IRAK4: variants seen among roughly 807,000 people sequenced by gnomAD.
The protein encoded by IRAK4 is interleukin 1 receptor associated kinase 4.
Under a neutral mutation model 51.8 loss-of-function variants are expected in IRAK4, and 44 were observed. That is an observed-to-expected ratio of 0.85 (90% CI 0.67 to 1.09). The LOEUF is 1.09. IRAK4 is among the 50% of genes least tolerant of loss of function. The pLI, the probability that IRAK4 is intolerant of heterozygous loss-of-function variation, is 0.00. For missense variants in IRAK4, 487 were observed against 538.0 expected, an observed-to-expected ratio of 0.91 and a Z score of 0.94; for synonymous variants, 149 against 174.1, an observed-to-expected ratio of 0.86 and a Z score of 1.13.
intron 1 of IRAK4, chr12:43,763,427 C>T (rs988145240): frequency 1.3e-5 from 2 of 152,102 alleles, no homozygotes; most frequent in African/African-American, 4.8e-5. Flanking sequence ...AACTTTAAAA[C>T]AATGTTGTTC....
intron 8 of IRAK4, among the ~76,000 whole-genome samples, chr12:43,778,536 A>G (rs550205768): frequency 6.6e-6 from 1 of 152,134 alleles, no homozygotes; most frequent in Non-Finnish European, 1.5e-5. Context: ...ATAGTAGTTT[A>G]TTCTGTTCTT....
chr12:43,777,814 A>G, intron 7 of IRAK4, 70 bp downstream of exon 7: 1 of 1,279,196 alleles, frequency 7.8e-7, no homozygotes, highest in Non-Finnish European at 1.1e-6. Context: ...TCATTTTGTT[A>G]CTGGATTATT....
At chr12:43,777,830 C>A in intron 7 of IRAK4, 86 bp downstream of exon 7, 4 of 1,115,196 alleles carry the variant, frequency 3.6e-6, no homozygotes, top group East Asian at 2.4e-5. Context: ...TTATTTAAAC[C>A]AAATTCACTT....
chr12:43,783,533 C>CTGGTCG (rs1366689533), intron 9 of IRAK4, 129 bp from the exon 10 acceptor site: 2 of 645,410 alleles, frequency 3.1e-6, no homozygotes, highest in Non-Finnish European at 5.5e-6. Flanking sequence ...GTTGCCCAGG[C>CTGGTCG]TGGTCGTGAA....
At chr12:43,763,566 TG>T (rs1164379002) in intron 1 of IRAK4, 6 of 152,324 alleles carry the variant, frequency 3.9e-5, no homozygotes, top group Admixed American at 3.9e-4. Flanking sequence ...TGGTAAATAT[TG>T]GTAGATATAA....
chr12:43,776,631 G>GC (rs1941297434), intron 6 of IRAK4, among the ~76,000 whole-genome samples: 2 of 152,176 alleles, frequency 1.3e-5, no homozygotes, highest in African/African-American at 4.8e-5. Flanking sequence ...ACTGTTTTCT[G>GC]CATTTAGCAG....
At chr12:43,776,330 A>C (rs1465777221) in intron 6 of IRAK4, among the ~76,000 whole-genome samples, 1 of 152,186 alleles carries the variant, frequency 6.6e-6, no homozygotes, top group Admixed American at 6.5e-5. Flanking sequence ...CAGATAAATC[A>C]CTTGCCACAC....
At chr12:43,782,155 A>G (rs1941827632) in intron 8 of IRAK4, 152 bp from the exon 9 acceptor site, 2 of 618,266 alleles carry the variant, frequency 3.2e-6, no homozygotes, top group Admixed American at 5.6e-5. Flanking sequence ...GATGCATACT[A>G]TAAAACGTTA....
At chr12:43,785,743 T>A (rs2138079582) in intron 10 of IRAK4, among the ~76,000 whole-genome samples, 1 of 151,334 alleles carries the variant, frequency 6.6e-6, no homozygotes, top group South Asian at 2.1e-4. Flanking sequence ...CCTCATAGAG[T>A]GTACTTACAC....
In IRAK4 at chr12:43,771,273, T is replaced by C; in HGVS notation, c.215T>C (p.Phe72Ser). 2 of 1,614,016 alleles carry C rather than the reference T, an allele frequency of 1.2e-6. No individual in the cohort carries two copies. The highest frequency in any genetic ancestry group is 1.7e-4 in the Middle Eastern group (1 of 6,058). ...TGKSPTSELL[F>S]DWGTTNCTVG... ...AAAAGTCCCACTTCTGAATTACTGT[T>C]TGACTGGGGCACCACAAATTGCACA... The change falls in exon 3 of 12, where the codon TTT (phenylalanine) becomes TCT (serine). Residue 72 changes from phenylalanine (F) to serine (S), a missense_variant. Phe to Ser is a radical substitution (Grantham distance 155, BLOSUM62 -2). Coordinates refer to ENST00000613694, the MANE Select transcript of IRAK4 (RefSeq NM_016123.4).
At chr12:43,767,677 T>C (rs973931921) in intron 1 of IRAK4, among the ~76,000 whole-genome samples, 3 of 151,602 alleles carry the variant, frequency 2.0e-5, no homozygotes, top group African/African-American at 7.3e-5. Context: ...GCATAAATTT[T>C]AATTGTAAAT....
At chr12:43,776,127 C>A (rs1211231935) in intron 6 of IRAK4, among the ~76,000 whole-genome samples, 2 of 152,012 alleles carry the variant, frequency 1.3e-5, no homozygotes, top group African/African-American at 4.8e-5. Context: ...CGTGATCTGC[C>A]TGCCTCGGCT....
intron 1 of IRAK4, among the ~76,000 whole-genome samples, chr12:43,767,319 G>T (rs1940256515): frequency 6.6e-6 from 1 of 152,196 alleles, no homozygotes; most frequent in Admixed American, 6.5e-5. Context: ...AGTGTTGAAG[G>T]CCCTGTGGAA....
chr12:43,762,452 G>A (rs1202845338), intron 1 of IRAK4, among the ~76,000 whole-genome samples: 1 of 152,144 alleles, frequency 6.6e-6, no homozygotes, highest in Non-Finnish European at 1.5e-5. Flanking sequence ...GTACCTTACA[G>A]TAGAGAGAAA....
chr12:43,780,516 A>G (rs990576349), intron 8 of IRAK4, among the ~76,000 whole-genome samples: 1 of 151,708 alleles, frequency 6.6e-6, no homozygotes, highest in Admixed American at 6.6e-5. Flanking sequence ...CCTATCCTTC[A>G]TGGATTGGTA....
chr12:43,771,236 C>T lies in IRAK4; in HGVS notation c.178C>T (p.Leu60Phe). Reference sequence around the variant, plus strand: ...ACTTTTAAGGAGATTTGAAGCATTACTTCAAACTGGAAAAAGTCCCACTTC... The same window carrying T: ...ACTTTTAAGGAGATTTGAAGCATTATTTCAAACTGGAAAAAGTCCCACTTC... ...QFHIRRFEAL[L>F]QTGKSPTSEL... is the part of the protein sequence containing the mutation. The change falls in exon 3 of 12, where the codon CTT (leucine) becomes TTT (phenylalanine). Residue 60 changes from leucine (L) to phenylalanine (F), a missense_variant. Transcript: ENST00000613694. The T allele has an allele frequency of 1.2e-6, 2 of 1,613,812 alleles. No individual in the cohort carries two copies. The highest frequency in any genetic ancestry group is 2.2e-5 in the South Asian group (2 of 91,076).
intron 1 of IRAK4, among the ~76,000 whole-genome samples, chr12:43,765,178 G>C (rs530228388): frequency 6.6e-6 from 1 of 152,212 alleles, no homozygotes; most frequent in Non-Finnish European, 1.5e-5. Context: ...GCCATCAAGT[G>C]GAAAGTTTGC....
chr12:43,777,519 A>T, intron 6 of IRAK4, 111 bp from the exon 7 acceptor site: 3 of 872,682 alleles, frequency 3.4e-6, no homozygotes, highest in Non-Finnish European at 5.0e-6. Flanking sequence ...AATAATATAT[A>T]ACATACTATT....
At chr12:43,776,629 C>A (rs567962102) in intron 6 of IRAK4, among the ~76,000 whole-genome samples, 1 of 152,344 alleles carries the variant, frequency 6.6e-6, no homozygotes, top group African/African-American at 2.4e-5. Flanking sequence ...ATACTGTTTT[C>A]TGCATTTAGC....
Sources: allele counts gnomAD v4.1 joint callset (sites outside exome capture counted in the v4.1 genomes callset), GRCh38; gene constraint gnomAD v4.1.1; transcripts MANE v1.5; gene names NCBI Gene and HGNC (gene_info 2026-07-23, HGNC 2026-07-21).